Variants in VGLL4 observed in about 807,000 individuals in gnomAD.
VGLL4 encodes vestigial like family member 4, also known as transcription cofactor vestigial-like protein 4.
Under a neutral mutation model 21.0 loss-of-function variants are expected in VGLL4, and 7 were observed. The observed-to-expected ratio is 0.33, with a 90% CI of 0.19 to 0.63. The LOEUF is 0.63. Among genes scored for constraint, VGLL4 ranks in the 20% least tolerant of loss-of-function variants. The probability of loss-of-function intolerance (pLI) is 0.78; values close to 1 mark genes in which losing one functional copy is unlikely to be tolerated. For synonymous variants in VGLL4, 222 were observed against 173.2 expected, an observed-to-expected ratio of 1.28 and a Z score of -2.21; for missense variants, 394 against 425.7, an observed-to-expected ratio of 0.93 and a Z score of 0.66.
chr3:11,579,217 TAA>T (rs34908529), intron 2 of VGLL4, among the ~76,000 whole-genome samples: 2 of 134,642 alleles, frequency 1.5e-5, no homozygotes, highest in African/African-American at 2.8e-5. Flanking sequence ...GCTAACTTTC[TAA>T]AAAAAAAAAA....
chr3:11,619,840 T>C (rs1052886495), intron 1 of VGLL4, among the ~76,000 whole-genome samples: 1 of 152,204 alleles, frequency 6.6e-6, no homozygotes, highest in African/African-American at 2.4e-5. Context: ...CGAGTCTCCT[T>C]TCTTTTCTTT....
At chr3:11,580,012 T>G (rs1023430080) in intron 2 of VGLL4, among the ~76,000 whole-genome samples, 1 of 152,120 alleles carries the variant, frequency 6.6e-6, no homozygotes, top group Admixed American at 6.5e-5. Flanking sequence ...GTCATCACAG[T>G]TTTTCATATT....
intron 2 of VGLL4, among the ~76,000 whole-genome samples, chr3:11,593,535 C>T (rs576504942): frequency 6.6e-6 from 1 of 151,998 alleles, no homozygotes; most frequent in East Asian, 1.9e-4. Context: ...TTCTATTCAC[C>T]CCTATGGTGA....
intron 2 of VGLL4, among the ~76,000 whole-genome samples, chr3:11,664,431 G>A (rs2076080565): frequency 6.6e-6 from 1 of 152,108 alleles, no homozygotes; most frequent in African/African-American, 2.4e-5. Flanking sequence ...ATGTGGCCCT[G>A]GGCAATCACC....
intron 2 of VGLL4, among the ~76,000 whole-genome samples, chr3:11,700,656 C>G (rs2076668792): frequency 6.6e-6 from 1 of 152,196 alleles, no homozygotes; most frequent in African/African-American, 2.4e-5. Context: ...TTAGGAGGGG[C>G]ACTGCCAAGC....
chr3:11,613,813 C>G (rs1481891477), intron 1 of VGLL4, among the ~76,000 whole-genome samples: 1 of 152,186 alleles, frequency 6.6e-6, no homozygotes, highest in African/African-American at 2.4e-5. Flanking sequence ...TGGTGCAATT[C>G]CCATTTGAAG....
chr3:11,571,513 G>T (rs539899423), intron 2 of VGLL4, among the ~76,000 whole-genome samples: 1 of 151,876 alleles, frequency 6.6e-6, no homozygotes, highest in South Asian at 2.1e-4. Flanking sequence ...GCAAAACCCC[G>T]TCTCTACAAA....
chr3:11,561,955 A>G (rs1335912241), intron 3 of VGLL4, among the ~76,000 whole-genome samples: 2 of 140,946 alleles, frequency 1.4e-5, no homozygotes, highest in African/African-American at 5.4e-5. Context: ...GCTGGAGTGC[A>G]GTGACGCGAT....
intron 1 of VGLL4, among the ~76,000 whole-genome samples, chr3:11,638,726 G>A (rs942151113): frequency 2.0e-5 from 3 of 152,112 alleles, no homozygotes; most frequent in South Asian, 2.1e-4. Context: ...ATGGCCCTGC[G>A]CTGTGGCCTT....
chr3:11,581,956 G>A (rs74994750), intron 2 of VGLL4, among the ~76,000 whole-genome samples: 5,883 of 152,296 alleles, frequency 0.039, 396 homozygotes, highest in African/African-American at 0.13. Context: ...TCCAATCCAT[G>A]AAGGAAACAA....
chr3:11,562,560 G>C (rs1159473566), intron 3 of VGLL4, among the ~76,000 whole-genome samples: 1 of 152,236 alleles, frequency 6.6e-6, no homozygotes, highest in Admixed American at 6.5e-5. Context: ...AAGAGACCTC[G>C]GAGCTGCTGG....
At chr3:11,648,997 T>C (rs909722380) in intron 2 of VGLL4, among the ~76,000 whole-genome samples, 1 of 152,354 alleles carries the variant, frequency 6.6e-6, no homozygotes, top group Non-Finnish European at 1.5e-5. Context: ...TCCATGCCTT[T>C]GTCCTTGCCT....
At position 11,560,260 on chromosome 3, in the gene VGLL4, C is replaced by T. The variant is rs895283741; in HGVS notation, c.496-805G>A. ...ATGCACACCAGGCAGTATGTCTGGC[C>T]CCCCAGCTTTGGTGTGGAACCTGGG... On this transcript the variant is annotated intron_variant, in intron 3 of 4. Transcript: ENST00000430365. 3.3e-5 allele frequency among the ~76,000 whole-genome samples: 5 copies of T among 152,166 alleles called. No individual in the cohort carries two copies. The South Asian group carries it at 6.2e-4, about 19-fold the overall frequency.
chr3:11,617,504 G>T lies in VGLL4; in HGVS notation c.83-15482C>A, dbSNP rs116312167. Among the ~76,000 whole-genome samples the T allele has an allele frequency of 3.4e-3, 516 of 152,334 alleles. 5 individuals carry two copies. The highest frequency in any genetic ancestry group is 5.1e-3 in the Non-Finnish European group (345 of 68,038). On this transcript the variant is annotated intron_variant, in intron 1 of 4. Coordinates refer to ENST00000430365, the MANE Select transcript of VGLL4 (RefSeq NM_001128219.3). Reference sequence around the variant, plus strand: ...GCACACACCTGAGTCAGGGAACAGGGCAGGGACGCAAGCGTTACGTGAGGA... The same window carrying T: ...GCACACACCTGAGTCAGGGAACAGGTCAGGGACGCAAGCGTTACGTGAGGA...
chr3:11,619,576 C>T (rs2125298124), intron 1 of VGLL4, among the ~76,000 whole-genome samples: 1 of 152,292 alleles, frequency 6.6e-6, no homozygotes, highest in East Asian at 1.9e-4. Flanking sequence ...TAACGCAGAA[C>T]ACTTGGTGTG....
rs1254361702 is a variant in VGLL4, at chr3:11,568,769, T to C, written c.273-3750A>G. 3.3e-6 allele frequency: 5 copies of C among 1,495,516 alleles called. No homozygotes were observed. The highest frequency in any genetic ancestry group is 1.3e-5 in the South Asian group (1 of 74,992). The allele number at this position is 1,495,516 out of a possible 1,614,324, so 92.6% of individuals were successfully genotyped here. A position where few individuals can be genotyped will look rare whatever the true frequency, so the allele number is the denominator to read the frequency against. ...TCCTGCCCGGGAGATGGAAGTCGCC[T>C]CCGCTCCTGGTCAGGACTGTGCCCG... On this transcript the variant is annotated intron_variant, in intron 2 of 4. Coordinates refer to ENST00000430365, the MANE Select transcript of VGLL4 (RefSeq NM_001128219.3). The surrounding 1 kb of genome is among the most constrained non-coding windows in gnomAD (Gnocchi z 5.9).
At chr3:11,691,301 A>T (rs1358035548) in intron 2 of VGLL4, among the ~76,000 whole-genome samples, 1 of 151,390 alleles carries the variant, frequency 6.6e-6, no homozygotes, top group East Asian at 1.9e-4. Context: ...ATGGAATTTT[A>T]AAAATCTGAA....
intron 2 of VGLL4, among the ~76,000 whole-genome samples, chr3:11,592,482 G>A (rs2074523213): frequency 6.6e-6 from 1 of 152,146 alleles, no homozygotes; most frequent in South Asian, 2.1e-4. Flanking sequence ...CTAACGTCCC[G>A]GGGCCTCCAC....
At chr3:11,652,959 T>C (rs1253976359) in intron 2 of VGLL4, among the ~76,000 whole-genome samples, 1 of 152,244 alleles carries the variant, frequency 6.6e-6, no homozygotes, top group Non-Finnish European at 1.5e-5. Flanking sequence ...TAAAACGCTA[T>C]TCTGATATTC....
Sources: gnomAD v4.1 joint callset for allele counts (sites outside exome capture counted in the v4.1 genomes callset) on GRCh38, gnomAD v4.1.1 for gene constraint, Gnocchi (gnomAD v3.1) non-coding constraint, MANE v1.5 for transcripts, NCBI Gene and HGNC (gene_info 2026-07-23, HGNC 2026-07-21) for gene names.